The following SYN2 variants were observed in gnomAD, a reference collection of about 807,000 sequenced individuals.
SYN2 encodes synapsin-2.
A neutral mutation model predicts 50.9 loss-of-function variants in SYN2; 19 were observed. The ratio of observed to expected loss-of-function variants is 0.37; its 90% CI spans 0.26 to 0.55. The LOEUF (loss-of-function observed/expected upper bound fraction) is 0.55. Among genes scored for constraint, SYN2 ranks in the 20% least tolerant of loss-of-function variants. The probability of loss-of-function intolerance (pLI) is 0.81; values close to 1 mark genes in which losing one functional copy is unlikely to be tolerated. For missense variants in SYN2, 587 were observed against 576.4 expected (o/e 1.02, Z -0.19); for synonymous variants, 255 against 224.9 (o/e 1.13, Z -1.20).
intron 1 of SYN2, among the ~76,000 whole-genome samples, chr3:12,005,465 C>T (rs1343094338): frequency 6.6e-6 from 1 of 151,922 alleles, no homozygotes; most frequent in East Asian, 1.9e-4. Context: ...GATGAAATCA[C>T]ACATGTAGTG....
chr3:12,060,338 C>T (rs1257296250), intron 1 of SYN2, among the ~76,000 whole-genome samples: 1 of 152,128 alleles, frequency 6.6e-6, no homozygotes, highest in African/African-American at 2.4e-5. Context: ...ACACCCGGAG[C>T]CTTCTCCATA....
At chr3:12,133,185 A>G (rs1696829094) in intron 1 of SYN2, among the ~76,000 whole-genome samples, 2 of 152,254 alleles carry the variant, frequency 1.3e-5, no homozygotes, top group African/African-American at 2.4e-5. Context: ...CCTTACTTGC[A>G]GAGCATTTGA....
At chr3:12,055,019 G>A (rs1694957166) in intron 1 of SYN2, among the ~76,000 whole-genome samples, 1 of 152,032 alleles carries the variant, frequency 6.6e-6, no homozygotes, top group Non-Finnish European at 1.5e-5. Flanking sequence ...TAGGAGATCT[G>A]AATGCCAAAA....
Position 12,190,635 on chromosome 3 carries a change from C to T in SYN2, c.*10C>T, listed in dbSNP as rs551228698. 1.9e-6 allele frequency: 3 copies of T among 1,608,868 alleles called. No homozygotes were observed. The East Asian group carries it at 6.7e-5, about 36-fold the overall frequency. ...CCTCTTTTCAGATTAGCTCTTCAGA[C>T]ACACGGGGCACCCAGCCCAACCGGG... On this transcript the variant is annotated 3_prime_UTR_variant, in exon 13 of 13. Transcript: ENST00000621198.
chr3:12,141,870 G>A, intron 2 of SYN2, 35 bp from the exon 3 acceptor site: 1 of 780,488 alleles, frequency 1.3e-6, no homozygotes, highest in Non-Finnish European at 2.4e-6. Context: ...GTGAAGTCAG[G>A]ATTGTGAACT....
intron 1 of SYN2, among the ~76,000 whole-genome samples, chr3:12,039,573 T>TTTG (rs1694569257): frequency 8.1e-6 from 1 of 123,706 alleles, no homozygotes; most frequent in Admixed American, 8.6e-5. Context: ...TTTTTTTTTT[T>TTTG]GTCATTCAGC....
At chr3:12,087,055 A>G (rs536271035) in intron 1 of SYN2, among the ~76,000 whole-genome samples, 15 of 152,322 alleles carry the variant, frequency 9.8e-5, no homozygotes, top group African/African-American at 2.6e-4. Flanking sequence ...TAGCATTTCC[A>G]TATACTAACA....
intron 1 of SYN2, among the ~76,000 whole-genome samples, chr3:12,099,731 G>A (rs969127609): frequency 2.0e-5 from 3 of 152,020 alleles, no homozygotes; most frequent in Admixed American, 6.6e-5. Flanking sequence ...TTGGGAGGCC[G>A]AAATGGGCGG....
At chr3:12,128,408 A>G (rs1290814524) in intron 1 of SYN2, among the ~76,000 whole-genome samples, 1 of 152,168 alleles carries the variant, frequency 6.6e-6, no homozygotes, top group East Asian at 1.9e-4. Flanking sequence ...AGGAGGCAGC[A>G]TGGTGGAATG....
chr3:12,011,027 C>T (rs1050049146), intron 1 of SYN2, among the ~76,000 whole-genome samples: 5 of 152,166 alleles, frequency 3.3e-5, no homozygotes, highest in African/African-American at 1.2e-4. Flanking sequence ...ACAAGATTTA[C>T]AGGTGTACAC....
At position 12,095,173 on chromosome 3, in the gene SYN2, C is replaced by T. The variant is rs114529816; in HGVS notation, c.378-45478C>T. On this transcript the variant is annotated intron_variant, in intron 1 of 12. Coordinates refer to ENST00000621198, the MANE Select transcript of SYN2 (RefSeq NM_133625.6). ...TACACATGATGTCACTTTGTTCTCA[C>T]CTTCCACTTACTCTTCAGCTCACTA... Among the ~76,000 whole-genome samples the T allele has an allele frequency of 3.3e-5, 5 of 152,062 alleles. No homozygotes were observed. In the South Asian group the frequency reaches 6.2e-4, roughly 19 times the overall value.
At chr3:12,162,235 CAGAG>C in intron 7 of SYN2, 81 bp downstream of exon 7, 1 of 1,537,296 alleles carries the variant, frequency 6.5e-7, no homozygotes, top group East Asian at 2.3e-5. Flanking sequence ...TCTCAGATAA[CAGAG>C]AGGGTGCCAC....
At chr3:12,162,608 T>C (rs555501584) in intron 7 of SYN2, among the ~76,000 whole-genome samples, 2 of 152,340 alleles carry the variant, frequency 1.3e-5, no homozygotes, top group Admixed American at 1.3e-4. Flanking sequence ...ATAACTCTAA[T>C]TGGGTAGCTC....
rs145485986 is a variant in SYN2, at chr3:12,041,801, C to T, written c.377+36873C>T. ...GTTTAGCTTTGAAATTTGTTATATC[C>T]GGCGTTATGTCTGATATTCCTCCCC... On this transcript the variant is annotated intron_variant, in intron 1 of 12. Transcript: ENST00000621198. Among the ~76,000 whole-genome samples the T allele has an allele frequency of 3.7e-4, 56 of 152,276 alleles. 1 individual carries two copies. In the East Asian group the frequency reaches 9.5e-3, roughly 26 times the overall value.
chr3:12,106,729 A>G (rs1696197266), intron 1 of SYN2, among the ~76,000 whole-genome samples: 2 of 152,200 alleles, frequency 1.3e-5, no homozygotes, highest in African/African-American at 4.8e-5. Flanking sequence ...AAATGAAAGA[A>G]TAATTATATA....
chr3:12,097,539 G>A (rs1334265647), intron 1 of SYN2, among the ~76,000 whole-genome samples: 1 of 151,456 alleles, frequency 6.6e-6, no homozygotes, highest in African/African-American at 2.4e-5. Context: ...CCACAAGGCG[G>A]AGCTTGCAGT....
intron 1 of SYN2, among the ~76,000 whole-genome samples, chr3:12,041,188 A>G (rs768311494): frequency 6.6e-6 from 1 of 152,188 alleles, no homozygotes; most frequent in Non-Finnish European, 1.5e-5. Flanking sequence ...CTGCCGGATC[A>G]TGGTATCCCT....
chr3:12,137,861 C>T (rs1696930759), intron 1 of SYN2, among the ~76,000 whole-genome samples: 1 of 152,074 alleles, frequency 6.6e-6, no homozygotes, highest in East Asian at 1.9e-4. Flanking sequence ...GAAAAAAGAA[C>T]ATTTTACTTT....
At chr3:12,180,536 G>A (rs1393225743) in intron 10 of SYN2, among the ~76,000 whole-genome samples, 2 of 152,170 alleles carry the variant, frequency 1.3e-5, no homozygotes, top group Non-Finnish European at 1.5e-5. Context: ...GAATAGGCCC[G>A]GAGCCCCTAG....
Sources: gnomAD v4.1 joint callset for allele counts (sites outside exome capture counted in the v4.1 genomes callset) on GRCh38, gnomAD v4.1.1 for gene constraint, MANE v1.5 for transcripts, NCBI Gene and HGNC (gene_info 2026-07-23, HGNC 2026-07-21) for gene names.